Variants in AK9 observed in about 807,000 individuals in gnomAD.
AK9 encodes the protein adenylate kinase 9.
In AK9, 191 loss-of-function variants were observed where a neutral mutation model predicts 239.6. The ratio of observed to expected loss-of-function variants is 0.80; its 90% CI spans 0.71 to 0.90. The LOEUF (loss-of-function observed/expected upper bound fraction) is 0.90. Ranked by LOEUF, AK9 falls within the 40% of genes least tolerant of loss-of-function variation. The pLI is 0.00. For synonymous variants in AK9, 689 were observed against 721.0 expected (o/e 0.96, Z 0.71); for missense variants, 1,995 against 2,214.7 (o/e 0.90, Z 1.99).
At chr6:109,589,411 G>A (rs967839546) in intron 17 of AK9, among the ~76,000 whole-genome samples, 6 of 152,140 alleles carry the variant, frequency 3.9e-5, no homozygotes, top group Admixed American at 2.0e-4. Flanking sequence ...GGCAATTTTT[G>A]TATGTTGATT....
chr6:109,497,652 C>G, intron 37 of AK9, 89 bp from the exon 38 acceptor site: 1 of 1,331,614 alleles, frequency 7.5e-7, no homozygotes, highest in Non-Finnish European at 1.0e-6. Context: ...TTTTATTTTT[C>G]TACCTATGTA....
At chr6:109,665,305 T>G (rs575059854) in intron 5 of AK9, among the ~76,000 whole-genome samples, 13 of 152,206 alleles carry the variant, frequency 8.5e-5, no homozygotes, top group Non-Finnish European at 1.3e-4. Flanking sequence ...CAACTTGACT[T>G]ACTTACATGC....
At chr6:109,547,249 T>C (rs761795234) in intron 25 of AK9, among the ~76,000 whole-genome samples, 3 of 152,190 alleles carry the variant, frequency 2.0e-5, no homozygotes, top group Non-Finnish European at 4.4e-5. Context: ...AGAGCTTAGA[T>C]TGTGTTCCAT....
chr6:109,552,970 C>A (rs954564716), intron 24 of AK9, among the ~76,000 whole-genome samples: 1 of 152,108 alleles, frequency 6.6e-6, no homozygotes, highest in Non-Finnish European at 1.5e-5. Context: ...AGATCCTTTC[C>A]TCATTGCTTG....
At chr6:109,607,143 A>G (rs1264443191) in intron 17 of AK9, among the ~76,000 whole-genome samples, 1 of 152,246 alleles carries the variant, frequency 6.6e-6, no homozygotes, top group Non-Finnish European at 1.5e-5. Flanking sequence ...AGCAACAATT[A>G]GAAAATAAAA....
At position 109,569,591 on chromosome 6, in the gene AK9, C is replaced by T. The variant is rs187126801; in HGVS notation, c.2344+3851G>A. Among the ~76,000 whole-genome samples, 54 of 152,172 alleles carry T rather than the reference C, an allele frequency of 3.5e-4. No individual in the cohort carries two copies. The East Asian group carries it at 7.2e-3, about 20-fold the overall frequency. On this transcript the variant is annotated intron_variant, in intron 21 of 40. Coordinates refer to ENST00000424296, the MANE Select transcript of AK9 (RefSeq NM_001145128.3). ...CTTAAACAAATTTACAAGAAAAAAT[C>T]GAACAACCCCATCAAAAAGTGGGCA...
chr6:109,579,440 T>G lies in AK9; in HGVS notation c.2191+110A>C. The G allele has an allele frequency of 2.8e-6, 3 of 1,061,942 alleles. No individual in the cohort carries two copies. The South Asian group carries it at 4.7e-5, about 17-fold the overall frequency. 65.8% of individuals were successfully genotyped at this position (1,061,942 alleles called of 1,614,324 possible). ...ATATAGGCATAAACCTGGGCTCTCA[T>G]GGACAAATTGGGAAATGTGATCACC... is the stretch of plus-strand genomic sequence containing the variant. On this transcript the variant is annotated intron_variant, in intron 20 of 40. Transcript: ENST00000424296.
At chr6:109,684,028 A>G (rs1474581414) in intron 1 of AK9, among the ~76,000 whole-genome samples, 2 of 152,252 alleles carry the variant, frequency 1.3e-5, no homozygotes, top group East Asian at 3.8e-4. Flanking sequence ...CTAAAACAGC[A>G]TGGTACTGGT....
At chr6:109,577,712 G>C (rs530693489) in intron 20 of AK9, among the ~76,000 whole-genome samples, 32 of 152,072 alleles carry the variant, frequency 2.1e-4, no homozygotes, top group Admixed American at 1.3e-3. Context: ...AATCTAGAAG[G>C]GTTGTTTACT....
chr6:109,643,011 C>T (rs1797647482), intron 9 of AK9, among the ~76,000 whole-genome samples: 1 of 152,084 alleles, frequency 6.6e-6, no homozygotes, highest in African/African-American at 2.4e-5. Context: ...CAGAGAAGGG[C>T]TCATGCCTTG....
At chr6:109,606,883 A>G (rs1202950143) in intron 17 of AK9, among the ~76,000 whole-genome samples, 1 of 152,236 alleles carries the variant, frequency 6.6e-6, no homozygotes, top group Admixed American at 6.5e-5. Context: ...GGTAGAAACA[A>G]TATCTATCAT....
chr6:109,586,881 G>C (rs1789568433), intron 17 of AK9, among the ~76,000 whole-genome samples: 1 of 152,038 alleles, frequency 6.6e-6, no homozygotes, highest in Non-Finnish European at 1.5e-5. Flanking sequence ...TGTACCATTA[G>C]GTAATCACAA....
At chr6:109,538,535 C>G (rs1280708991) in intron 27 of AK9, among the ~76,000 whole-genome samples, 1 of 152,156 alleles carries the variant, frequency 6.6e-6, no homozygotes, top group Non-Finnish European at 1.5e-5. Flanking sequence ...ATACAGCACA[C>G]TGATGGGTCT....
chr6:109,542,272 A>C, intron 26 of AK9, 101 bp from the exon 27 acceptor site: 1 of 1,154,080 alleles, frequency 8.7e-7, no homozygotes, highest in Non-Finnish European at 1.2e-6. Context: ...GACCTCATGG[A>C]GGTGGAGAGT....
At chr6:109,539,832 T>C (rs1223319195) in intron 27 of AK9, among the ~76,000 whole-genome samples, 3 of 152,230 alleles carry the variant, frequency 2.0e-5, no homozygotes, top group Non-Finnish European at 4.4e-5. Flanking sequence ...GTTAGGACCC[T>C]CAGCTGTAGA....
intron 35 of AK9, among the ~76,000 whole-genome samples, chr6:109,501,004 A>G (rs1210309727): frequency 6.7e-6 from 1 of 150,278 alleles, no homozygotes; most frequent in East Asian, 2.0e-4. Flanking sequence ...GAGACTCTCA[A>G]ACAAACAAAC....
intron 27 of AK9, among the ~76,000 whole-genome samples, chr6:109,540,537 C>A (rs1012403396): frequency 6.6e-6 from 1 of 152,184 alleles, no homozygotes; most frequent in Non-Finnish European, 1.5e-5. Context: ...AATTCCCTGA[C>A]CCCTTGCAGT....
rs7739885 is a variant in AK9 at position 109,661,811 on chromosome 6, T to C, written c.444+740A>G. Among the ~76,000 whole-genome samples the C allele has an allele frequency of 9.3e-3, 1,423 of 152,264 alleles. 13 individuals carry two copies. The highest frequency in any genetic ancestry group is 0.037 in the Middle Eastern group (11 of 294). ...CAAAAGCTTATCATTCATTTTGACA[T>C]AAACAAGAAGACACCACCTTGCTAA... On this transcript the variant is annotated intron_variant, in intron 6 of 40. Coordinates refer to ENST00000424296, the MANE Select transcript of AK9 (RefSeq NM_001145128.3).
Position 109,550,101 on chromosome 6 carries a change from CT to C in AK9, c.2952del (p.Glu985AsnfsTer3), listed in dbSNP as rs1468845866. The C allele has an allele frequency of 1.9e-6, 3 of 1,613,690 alleles. No homozygotes were observed. In the Admixed American group the frequency reaches 5.0e-5, roughly 27 times the overall value. ...LEHPEDYVAH[E>X]EPLKAPPLRI... ...GAATACTGTCTCACCTTCAATGGTT[CT>C]TCATGAGCCACATAATCCTCAGGAT... is the stretch of plus-strand genomic sequence containing the variant. On this transcript the variant is annotated frameshift_variant, in exon 25 of 41. Transcript: ENST00000424296. LOFTEE classifies it high-confidence loss of function.
Sources: gnomAD v4.1 joint callset for allele counts (sites outside exome capture counted in the v4.1 genomes callset) on GRCh38, gnomAD v4.1.1 for gene constraint, MANE v1.5 for transcripts, NCBI Gene and HGNC (gene_info 2026-07-23, HGNC 2026-07-21) for gene names.